ECT2: variants seen among roughly 807,000 people sequenced by gnomAD.
ECT2 encodes protein ECT2.
In ECT2, 61 loss-of-function variants were observed where a neutral mutation model predicts 116.9. The observed-to-expected ratio is 0.52, with a 90% CI of 0.42 to 0.65. ECT2 has a LOEUF of 0.65. Among genes scored for constraint, ECT2 ranks in the 30% least tolerant of loss-of-function variants. The pLI, the probability that ECT2 is intolerant of heterozygous loss-of-function variation, is 0.00. For synonymous variants in ECT2, 358 were observed against 346.4 expected, an observed-to-expected ratio of 1.03 and a Z score of -0.37; for missense variants, 937 against 1,078.7, an observed-to-expected ratio of 0.87 and a Z score of 1.84.
intron 22 of ECT2, among the ~76,000 whole-genome samples, chr3:172,811,323 T>C (rs1728736877): frequency 6.6e-6 from 1 of 152,198 alleles, no homozygotes; most frequent in South Asian, 2.1e-4. Flanking sequence ...ATTTACCCTA[T>C]CTACCTTCCT....
intron 12 of ECT2, among the ~76,000 whole-genome samples, chr3:172,768,297 C>T (rs1719918245): frequency 1.3e-5 from 2 of 152,096 alleles, no homozygotes; most frequent in Non-Finnish European, 2.9e-5. Flanking sequence ...TTTAGCTGTA[C>T]AAAGATTCCT....
At chr3:172,772,492 G>A (rs867168606) in intron 13 of ECT2, among the ~76,000 whole-genome samples, 7 of 152,134 alleles carry the variant, frequency 4.6e-5, no homozygotes, top group South Asian at 4.1e-4. Flanking sequence ...CACTGTGCCC[G>A]GCCGAGAATT....
intron 18 of ECT2, among the ~76,000 whole-genome samples, chr3:172,791,080 G>T (rs779370003): frequency 3.9e-5 from 6 of 152,220 alleles, no homozygotes; most frequent in Non-Finnish European, 8.8e-5. Flanking sequence ...CTTGAATCCA[G>T]TAGCTGGATG....
chr3:172,823,648 T>C (rs1322107866), downstream of ECT2, among the ~76,000 whole-genome samples: 2 of 152,140 alleles, frequency 1.3e-5, no homozygotes, highest in African/African-American at 4.8e-5. Context: ...TGGTTTCCCA[T>C]TGCATATGAA....
intron 22 of ECT2, among the ~76,000 whole-genome samples, chr3:172,810,454 C>G (rs1298429706): frequency 6.6e-6 from 1 of 151,950 alleles, no homozygotes; most frequent in Non-Finnish European, 1.5e-5. Context: ...TGCTTGTATG[C>G]CAATAATATT....
At chr3:172,759,587 G>T (rs531947517) in intron 6 of ECT2, among the ~76,000 whole-genome samples, 1 of 151,998 alleles carries the variant, frequency 6.6e-6, no homozygotes. Context: ...GACTACAGGC[G>T]CCCGCCACCA....
intron 2 of ECT2, among the ~76,000 whole-genome samples, 183 bp from the exon 3 acceptor site, chr3:172,755,112 C>G (rs146066600): frequency 1.1e-4 from 17 of 151,482 alleles, no homozygotes; most frequent in African/African-American, 4.1e-4. Flanking sequence ...TTCTCTTTCT[C>G]TAAAGTGATA....
chr3:172,821,777 T>A (rs1436533003), downstream of ECT2, among the ~76,000 whole-genome samples: 1 of 151,906 alleles, frequency 6.6e-6, no homozygotes, highest in African/African-American at 2.4e-5. Context: ...GGTGGAACTG[T>A]TATTTTCCCC....
chr3:172,812,052 T>A (rs1336166285), intron 22 of ECT2, among the ~76,000 whole-genome samples: 2 of 151,792 alleles, frequency 1.3e-5, no homozygotes, highest in Non-Finnish European at 2.9e-5. Context: ...TGGCACAATC[T>A]TGGCTCACTA....
downstream of ECT2, among the ~76,000 whole-genome samples, chr3:172,822,054 A>G (rs533457907): frequency 6.6e-6 from 1 of 151,928 alleles, no homozygotes; most frequent in Non-Finnish European, 1.5e-5. Flanking sequence ...TATTGAGAAA[A>G]TCATAATTTA....
rs569472611 is a variant in ECT2, at chr3:172,763,421, G to T, written c.1068+449G>T. 2.0e-5 allele frequency among the ~76,000 whole-genome samples: 3 copies of T among 152,316 alleles called. No homozygotes were observed. The East Asian group carries it at 5.8e-4, about 29-fold the overall frequency. ...ATTCGTTAGAACCCCAATTGGGAGA[G>T]GGTATGAAAGCTTTGAGAGTACATT... On this transcript the variant is annotated intron_variant, in intron 11 of 24. Coordinates refer to ENST00000392692, the MANE Select transcript of ECT2 (RefSeq NM_001258315.2).
chr3:172,773,546 T>C (rs1721054383), intron 13 of ECT2, among the ~76,000 whole-genome samples: 3 of 152,228 alleles, frequency 2.0e-5, no homozygotes, highest in African/African-American at 7.2e-5. Context: ...ATATTAGATA[T>C]GTCTGGAGGC....
rs1423042839 is a variant in ECT2 at position 172,820,203 on chromosome 3, A to G, written c.2711A>G (p.His904Arg). Reference protein sequence around the residue: ...SLPSFFERRSHTLSRSTTHLI With the variant: ...SLPSFFERRSRTLSRSTTHLI ...CCTTCCTTCTTTGAAAGGAGAAGTC[A>G]TACGTTAAGTAGATCTACAACTCAT... is the stretch of plus-strand genomic sequence containing the variant. Residue 904 changes from histidine (H) to arginine (R), a missense_variant, in exon 25 of 25, where the codon CAT becomes CGT. His to Arg is a conservative substitution (Grantham distance 29). Transcript: ENST00000392692. The G allele has an allele frequency of 1.2e-6, 2 of 1,610,712 alleles. No homozygotes were observed. Among genetic ancestry groups the G allele is most frequent in the East Asian group, 2.2e-5 (1 of 44,708 alleles).
Position 172,755,333 on chromosome 3 carries a change from C to T in ECT2, c.169C>T (p.Gln57Ter). 6.2e-7 allele frequency: 1 copy of T among 1,605,274 alleles called. No homozygotes were observed. Among genetic ancestry groups the T allele is most frequent in the Non-Finnish European group, 8.5e-7 (1 of 1,177,950 alleles). ...PQIETRVILV[Q>*]EAGKQEELIK... ...GATTGAAACAAGAGTGATATTGGTT[C>T]AAGAAGCTGGAAAACAAGAAGAACT... The change falls in exon 3 of 25, where the codon CAA (glutamine) becomes TAA (stop). Residue 57 changes from glutamine to a stop codon, truncating the protein, a stop_gained. Transcript: ENST00000392692. LOFTEE classifies it high-confidence loss of function.
chr3:172,762,579 AT>A, intron 9 of ECT2, 33 bp downstream of exon 9: 16 of 1,581,054 alleles, frequency 1.0e-5, no homozygotes, highest in Non-Finnish European at 1.4e-5. Context: ...AGTTATATCT[AT>A]TTTAGTCCCT....
intron 12 of ECT2, among the ~76,000 whole-genome samples, chr3:172,766,593 G>T (rs1719438682): frequency 6.6e-6 from 1 of 152,164 alleles, no homozygotes; most frequent in Non-Finnish European, 1.5e-5. Flanking sequence ...AGAAATATTG[G>T]TAGAATAAAG....
chr3:172,770,161 C>T (rs1025584639), intron 13 of ECT2, among the ~76,000 whole-genome samples: 9 of 152,134 alleles, frequency 5.9e-5, no homozygotes, highest in African/African-American at 2.2e-4. Context: ...CACCTTTGCT[C>T]TTCCTTCTCA....
At chr3:172,811,199 TG>T (rs1426999335) in intron 22 of ECT2, among the ~76,000 whole-genome samples, 2 of 152,056 alleles carry the variant, frequency 1.3e-5, no homozygotes, top group Admixed American at 6.6e-5. Flanking sequence ...GAAAGTTTTT[TG>T]TCTTCGTTGT....
chr3:172,777,074 A>G (rs1294088006), intron 14 of ECT2, among the ~76,000 whole-genome samples: 1 of 151,898 alleles, frequency 6.6e-6, no homozygotes. Flanking sequence ...GTTTCACCAC[A>G]TTGGCCAGGC....
Sources: allele counts gnomAD v4.1 joint callset (sites outside exome capture counted in the v4.1 genomes callset), GRCh38; gene constraint gnomAD v4.1.1; transcripts MANE v1.5; gene names NCBI Gene and HGNC (gene_info 2026-07-23, HGNC 2026-07-21).